The following P3H2 variants were observed in gnomAD, a reference collection of about 807,000 sequenced individuals.
P3H2 encodes the protein prolyl 3-hydroxylase 2.
A neutral mutation model predicts 87.0 loss-of-function variants in P3H2; 80 were observed. That is an observed-to-expected ratio of 0.92 (90% CI 0.77 to 1.11). P3H2 has a LOEUF of 1.11. Ranked by LOEUF, P3H2 falls within the 50% of genes least tolerant of loss-of-function variation. The pLI, the probability that P3H2 is intolerant of heterozygous loss-of-function variation, is 0.00. For synonymous variants in P3H2, 367 were observed against 359.3 expected, an observed-to-expected ratio of 1.02 and a Z score of -0.24; for missense variants, 1,001 against 923.9, an observed-to-expected ratio of 1.08 and a Z score of -1.08.
At chr3:190,092,040 C>G (rs1353111341) in intron 1 of P3H2, among the ~76,000 whole-genome samples, 1 of 152,122 alleles carries the variant, frequency 6.6e-6, no homozygotes. Context: ...TGAGATCAGC[C>G]TGGTCAACAT....
At chr3:190,034,027 C>T (rs996786093) in intron 1 of P3H2, among the ~76,000 whole-genome samples, 1 of 152,156 alleles carries the variant, frequency 6.6e-6, no homozygotes, top group African/African-American at 2.4e-5. Flanking sequence ...CAATTTCAAG[C>T]TCACGTTACA....
chr3:190,081,932 G>A (rs969808943), intron 1 of P3H2, among the ~76,000 whole-genome samples: 2 of 152,140 alleles, frequency 1.3e-5, no homozygotes, highest in Admixed American at 6.6e-5. Flanking sequence ...GCATTCAGCT[G>A]TACATGCTAA....
chr3:189,978,153 A>G (rs1025799420), intron 8 of P3H2, among the ~76,000 whole-genome samples: 31 of 152,216 alleles, frequency 2.0e-4, no homozygotes, highest in African/African-American at 7.0e-4. Context: ...AAAAACTCAA[A>G]TAGAAATGAA....
intron 1 of P3H2, among the ~76,000 whole-genome samples, chr3:190,002,765 G>A (rs1039737848): frequency 1.3e-5 from 2 of 152,130 alleles, no homozygotes; most frequent in Non-Finnish European, 2.9e-5. Flanking sequence ...GAGTGTTTTT[G>A]TTTCCATTTC....
At chr3:190,008,983 G>T (rs1354172016) in intron 1 of P3H2, among the ~76,000 whole-genome samples, 1 of 152,144 alleles carries the variant, frequency 6.6e-6, no homozygotes, top group Non-Finnish European at 1.5e-5. Context: ...CTTCTGAATA[G>T]ATGGATCTGA....
intron 1 of P3H2, among the ~76,000 whole-genome samples, chr3:190,118,858 G>A (rs922503996): frequency 2.0e-5 from 3 of 151,102 alleles, no homozygotes; most frequent in Non-Finnish European, 4.4e-5. Context: ...TTTTGGAGGC[G>A]GAGACGGACG....
chr3:190,067,032 A>G (rs1300140122), intron 1 of P3H2, among the ~76,000 whole-genome samples: 3 of 128,844 alleles, frequency 2.3e-5, no homozygotes, highest in African/African-American at 9.4e-5. Context: ...TTTTGTAGAG[A>G]TGGGGTCTTG....
chr3:190,002,554 A>G (rs1043181384), intron 1 of P3H2, among the ~76,000 whole-genome samples: 2 of 151,770 alleles, frequency 1.3e-5, no homozygotes, highest in Non-Finnish European at 2.9e-5. Context: ...GCACGCGCCA[A>G]CACACCCGGC....
intron 1 of P3H2, among the ~76,000 whole-genome samples, chr3:190,112,813 G>A (rs184844308): frequency 6.6e-6 from 1 of 152,034 alleles, no homozygotes; most frequent in Non-Finnish European, 1.5e-5. Context: ...GATATGTGTA[G>A]GCCATTTGGC....
intron 1 of P3H2, among the ~76,000 whole-genome samples, chr3:190,032,110 C>T (rs1725272276): frequency 6.6e-6 from 1 of 152,202 alleles, no homozygotes; most frequent in South Asian, 2.1e-4. Flanking sequence ...AAATGCATGT[C>T]CAACGAGATG....
chr3:189,958,603 C>T (rs986824002), intron 14 of P3H2, among the ~76,000 whole-genome samples: 2 of 152,004 alleles, frequency 1.3e-5, no homozygotes, highest in African/African-American at 4.8e-5. Flanking sequence ...CTCAGCGACA[C>T]CCCGTCCTCT....
intron 5 of P3H2, 44 bp from the exon 6 acceptor site, chr3:189,986,921 C>A: frequency 8.0e-7 from 1 of 1,252,358 alleles, no homozygotes; most frequent in Non-Finnish European, 1.2e-6. Context: ...ATTTAAATAG[C>A]AGGTAAGAGA....
Position 190,120,555 on chromosome 3 carries a change from G to GTCTCCGCTGTAGTAGGCGGCC in P3H2, c.156_176dup (p.Gly58_Asp59insGluAlaAlaTyrTyrSerGly). The GTCTCCGCTGTAGTAGGCGGCC allele has an allele frequency of 6.5e-7, 1 of 1,529,308 alleles. No individual in the cohort carries two copies. The highest frequency in any genetic ancestry group is 8.7e-7 in the Non-Finnish European group (1 of 1,147,908). 94.7% of individuals were successfully genotyped at this position (1,529,308 alleles called of 1,614,324 possible). A position where few individuals can be genotyped will look rare whatever the true frequency, so the allele number is the denominator to read the frequency against. ...CCAAGTCGCGCACCGCTCGCTCGTA[G>GTCTCCGCTGTAGTAGGCGGCC]TCTCCGCTGTAGTAGGCGGCCGCGC... On this transcript the variant is annotated inframe_insertion, in exon 1 of 15. Coordinates refer to ENST00000319332, the MANE Select transcript of P3H2 (RefSeq NM_018192.4).
At chr3:190,046,284 C>T (rs1010840102) in intron 1 of P3H2, among the ~76,000 whole-genome samples, 1 of 152,214 alleles carries the variant, frequency 6.6e-6, no homozygotes, top group African/African-American at 2.4e-5. Flanking sequence ...TCCTGACTTA[C>T]ACAAGATATC....
At chr3:190,015,469 T>G (rs1724722735) in intron 1 of P3H2, among the ~76,000 whole-genome samples, 1 of 152,192 alleles carries the variant, frequency 6.6e-6, no homozygotes, top group Non-Finnish European at 1.5e-5. Flanking sequence ...GAAGAATAAC[T>G]GATTCCAACC....
intron 6 of P3H2, 140 bp downstream of exon 6, chr3:189,986,648 C>T (rs1183684128): frequency 5.8e-6 from 4 of 687,258 alleles, no homozygotes; most frequent in South Asian, 3.3e-5. Flanking sequence ...AAATATCTCC[C>T]ACCCCCAATT....
chr3:190,029,127 G>A (rs915173489), intron 1 of P3H2, among the ~76,000 whole-genome samples: 1 of 152,218 alleles, frequency 6.6e-6, no homozygotes, highest in Non-Finnish European at 1.5e-5. Context: ...TCTCTTAAGA[G>A]TTCGAGTGGG....
rs796289092 is a variant in P3H2 at position 190,066,158 on chromosome 3, TACAC to T, written c.480+54090_480+54093del. ...ACTGTGGTGTGTATATATATATATATACACACACACACACACACACATATATACA... is the reference window on the plus strand; with the variant it reads ...ACTGTGGTGTGTATATATATATATATACACACACACACACACATATATACA... On this transcript the variant is annotated intron_variant, in intron 1 of 14. Coordinates refer to ENST00000319332, the MANE Select transcript of P3H2 (RefSeq NM_018192.4). 2.1e-4 allele frequency among the ~76,000 whole-genome samples: 28 copies of T among 134,600 alleles called. 1 individual carries two copies. In the East Asian group the frequency reaches 4.2e-3, roughly 20 times the overall value. 88.3% of individuals were successfully genotyped at this position (134,600 alleles called of 152,430 possible). A position where few individuals can be genotyped will look rare whatever the true frequency, so the allele number is the denominator to read the frequency against.
intron 1 of P3H2, among the ~76,000 whole-genome samples, chr3:190,081,816 C>T (rs973626232): frequency 6.6e-5 from 10 of 152,274 alleles, no homozygotes; most frequent in Admixed American, 5.2e-4. Flanking sequence ...AATCATAGGG[C>T]TGGGGCTGTA....
Sources: gnomAD v4.1 joint callset for allele counts (sites outside exome capture counted in the v4.1 genomes callset) on GRCh38, gnomAD v4.1.1 for gene constraint, MANE v1.5 for transcripts, NCBI Gene and HGNC (gene_info 2026-07-23, HGNC 2026-07-21) for gene names.